The following XRCC5 variants were observed in gnomAD, a reference collection of about 807,000 sequenced individuals.
XRCC5 encodes the protein DNA repair protein Ku80.
A neutral mutation model predicts 95.7 loss-of-function variants in XRCC5; 12 were observed. The ratio of observed to expected loss-of-function variants is 0.13; its 90% CI spans 0.08 to 0.20. XRCC5 has a LOEUF of 0.20. XRCC5 is among the 10% of genes least tolerant of loss of function. The pLI, the probability that XRCC5 is intolerant of heterozygous loss-of-function variation, is 1.00. For missense variants in XRCC5, 595 were observed against 873.9 expected (o/e 0.68, Z 4.02); for synonymous variants, 281 against 290.3 (o/e 0.97, Z 0.33).
intron 16 of XRCC5, among the ~76,000 whole-genome samples, chr2:216,187,857 T>TCTCTCTCTCCCC (rs1239439771): frequency 8.5e-6 from 1 of 117,226 alleles, no homozygotes; most frequent in Non-Finnish European, 1.7e-5. Flanking sequence ...TCTCTCTCTC[T>TCTCTCTCTCCCC]CTCTCCCCGT....
At chr2:216,172,291 GGTT>G (rs1689178683) in intron 16 of XRCC5, among the ~76,000 whole-genome samples, 2 of 152,030 alleles carry the variant, frequency 1.3e-5, no homozygotes, top group Non-Finnish European at 2.9e-5. Context: ...GGAGAGTAAA[GGTT>G]GTTATTTCAT....
At chr2:216,120,320 C>G (rs907686120) in intron 5 of XRCC5, among the ~76,000 whole-genome samples, 1 of 152,176 alleles carries the variant, frequency 6.6e-6, no homozygotes, top group Non-Finnish European at 1.5e-5. Context: ...GAATGTCATT[C>G]GAAAGAGCTA....
In XRCC5 at chr2:216,162,036, A is replaced by G. The variant is rs769715804; in HGVS notation, c.1822A>G (p.Ser608Gly). 2 of 1,614,186 alleles carry G rather than the reference A, an allele frequency of 1.2e-6. No individual in the cohort carries two copies. The highest frequency in any genetic ancestry group is 1.7e-6 in the Non-Finnish European group (2 of 1,179,996). Residue 608 changes from serine to glycine, a missense_variant, in exon 16 of 21, where the codon AGC becomes GGC. Ser to Gly is a moderately conservative substitution (Grantham distance 56). Transcript: ENST00000392132. The part of the protein sequence containing the change: ...FRVLVKQKKA[S>G]FEEASNQLIN... The stretch of plus-strand genomic sequence containing the variant: ...TGTTCTAGTGAAACAGAAGAAGGCC[A>G]GCTTTGAGGAAGGTGAGTGGTTGAC...
At chr2:216,131,160 G>C (rs1038141357) in intron 9 of XRCC5, 173 bp downstream of exon 9, 133 of 985,148 alleles carry the variant, frequency 1.4e-4, no homozygotes, top group Non-Finnish European at 1.6e-4. Flanking sequence ...GGAAACTGAG[G>C]TTCAGAGCCG....
chr2:216,156,381 T>G, intron 14 of XRCC5: 4 of 792,256 alleles, frequency 5.0e-6, no homozygotes, highest in South Asian at 2.6e-5. Flanking sequence ...TGGGCAACCC[T>G]TCAATTTAAG....
At chr2:216,185,660 T>A (rs1689480508) in intron 16 of XRCC5, among the ~76,000 whole-genome samples, 1 of 151,318 alleles carries the variant, frequency 6.6e-6, no homozygotes. Flanking sequence ...CTACATAAAT[T>A]TGTTTTTTTC....
chr2:216,122,034 A>C (rs952152747), intron 5 of XRCC5, 28 bp from the exon 6 acceptor site: 14 of 1,580,324 alleles, frequency 8.9e-6, no homozygotes, highest in African/African-American at 4.1e-5. Context: ...GGATTAGAAC[A>C]CTAACTACTG....
intron 17 of XRCC5, 40 bp downstream of exon 17, chr2:216,190,374 G>A (rs1442641636): frequency 1.3e-6 from 2 of 1,568,444 alleles, no homozygotes; most frequent in Non-Finnish European, 1.8e-6. Context: ...CTAAACAGTT[G>A]GCGACTATCA....
intron 8 of XRCC5, among the ~76,000 whole-genome samples, chr2:216,129,934 C>T (rs1388754168): frequency 6.6e-6 from 1 of 152,116 alleles, no homozygotes; most frequent in African/African-American, 2.4e-5. Context: ...CCTCGGCCTC[C>T]CCAAGTGCTA....
chr2:216,113,915 C>G (rs916538544), intron 2 of XRCC5, among the ~76,000 whole-genome samples: 8 of 152,128 alleles, frequency 5.3e-5, no homozygotes, highest in Non-Finnish European at 5.9e-5. Flanking sequence ...TTTCTGTTTT[C>G]TGTTAGTCAA....
intron 13 of XRCC5, among the ~76,000 whole-genome samples, chr2:216,144,306 G>A (rs1476001169): frequency 6.6e-6 from 1 of 152,178 alleles, no homozygotes; most frequent in African/African-American, 2.4e-5. Context: ...AATAAGTTCT[G>A]TATGGGGAAA....
rs577187720 is a variant in XRCC5, at chr2:216,173,761, A to G, written c.1834+11713A>G. Among the ~76,000 whole-genome samples the G allele has an allele frequency of 1.1e-3, 168 of 152,306 alleles. 1 individual carries two copies. The highest frequency in any genetic ancestry group is 3.9e-3 in the African/African-American group (160 of 41,554). ...ATTATCACTTGAGTGGGTTAGTTAT[A>G]AAAAGGATGAGTTCGGCCTGATTTC... On this transcript the variant is annotated intron_variant, in intron 16 of 20. Coordinates refer to ENST00000392132, the MANE Select transcript of XRCC5 (RefSeq NM_021141.4).
At chr2:216,195,375 C>CTTTTCTT (rs1174465018) in intron 19 of XRCC5, among the ~76,000 whole-genome samples, 1 of 145,172 alleles carries the variant, frequency 6.9e-6, no homozygotes, top group African/African-American at 2.6e-5. Context: ...CTTTTCTTTT[C>CTTTTCTT]TTTTCTTTTC....
rs201184020 is a variant in XRCC5 at position 216,160,129 on chromosome 2, G to A, written c.1732G>A (p.Val578Ile). ...TGAGCAAGGGGGAGCCCACTTCAGC[G>A]TCTCCAGTCTGGCTGAAGGCAGTGT... ...KTEQGGAHFS[V>I]SSLAEGSVTS... Residue 578 changes from valine (V) to isoleucine (I), a missense_variant, in exon 15 of 21, where the codon GTC (valine) becomes ATC (isoleucine). Val to Ile is a conservative substitution (Grantham distance 29). Transcript: ENST00000392132. 32 of 1,608,346 alleles carry A rather than the reference G, an allele frequency of 2.0e-5. No individual in the cohort carries two copies. In the Middle Eastern group the frequency reaches 6.6e-4, roughly 33 times the overall value.
chr2:216,198,686 G>A (rs1689779855), intron 19 of XRCC5, among the ~76,000 whole-genome samples: 1 of 152,006 alleles, frequency 6.6e-6, no homozygotes, highest in African/African-American at 2.4e-5. Flanking sequence ...CCGAGTAGCT[G>A]GGATTACAAG....
intron 10 of XRCC5, among the ~76,000 whole-genome samples, chr2:216,133,749 T>C (rs1697028769): frequency 6.6e-6 from 1 of 152,228 alleles, no homozygotes; most frequent in African/African-American, 2.4e-5. Flanking sequence ...GGATACTCTC[T>C]AGTGTCAGTT....
chr2:216,186,397 G>T (rs965780391), intron 16 of XRCC5, among the ~76,000 whole-genome samples: 1 of 152,100 alleles, frequency 6.6e-6, no homozygotes, highest in Non-Finnish European at 1.5e-5. Flanking sequence ...AGAAAACTTC[G>T]CCATTTTCCT....
chr2:216,153,953 A>G (rs1159899921), intron 14 of XRCC5, among the ~76,000 whole-genome samples: 4 of 151,796 alleles, frequency 2.6e-5, no homozygotes, highest in Non-Finnish European at 5.9e-5. Context: ...CTCCTTTCCA[A>G]CCCCTCTTCA....
At position 216,113,141 on chromosome 2, in the gene XRCC5, A is replaced by T; in HGVS notation, c.135+12A>T. 1 of 1,604,554 alleles carries T rather than the reference A, an allele frequency of 6.2e-7. No individual in the cohort carries two copies. The highest frequency in any genetic ancestry group is 8.5e-7 in the Non-Finnish European group (1 of 1,171,744). The stretch of plus-strand genomic sequence containing the variant: ...TTGTACAGCGACAGGTAAGTTTCAG[A>T]TTGACACTGAGCTTGTAACCCATGT... On this transcript the variant is annotated intron_variant, in intron 2 of 20. Transcript: ENST00000392132.
Sources: allele counts gnomAD v4.1 joint callset (sites outside exome capture counted in the v4.1 genomes callset), GRCh38; gene constraint gnomAD v4.1.1; transcripts MANE v1.5; gene names NCBI Gene and HGNC (gene_info 2026-07-23, HGNC 2026-07-21).